Variants in HMGCLL1 observed in about 807,000 individuals in gnomAD.
The protein encoded by HMGCLL1 is 3-hydroxy-3-methylglutaryl-CoA lyase like 1.
A neutral mutation model predicts 39.1 loss-of-function variants in HMGCLL1; 36 were observed. That is an observed-to-expected ratio of 0.92 (90% CI 0.71 to 1.22). HMGCLL1 has a LOEUF of 1.22. HMGCLL1 is among the 50% of genes most tolerant of loss of function. HMGCLL1 has a pLI of 0.00. For synonymous variants in HMGCLL1, 149 were observed against 144.0 expected, an observed-to-expected ratio of 1.03 and a Z score of -0.25; for missense variants, 451 against 416.5, an observed-to-expected ratio of 1.08 and a Z score of -0.72.
intron 3 of HMGCLL1, among the ~76,000 whole-genome samples, chr6:55,521,966 G>T (rs1468798080): frequency 1.3e-5 from 2 of 152,006 alleles, no homozygotes; most frequent in African/African-American, 4.8e-5. Flanking sequence ...GGAATTAAAA[G>T]TGCTACTCTG....
chr6:55,489,391 T>G (rs2127419234), intron 7 of HMGCLL1, among the ~76,000 whole-genome samples: 1 of 151,882 alleles, frequency 6.6e-6, no homozygotes, highest in South Asian at 2.1e-4. Flanking sequence ...GTTTTGAAAT[T>G]TCCATCTCTT....
intron 5 of HMGCLL1, among the ~76,000 whole-genome samples, chr6:55,503,480 CTT>C (rs70986722): frequency 7.2e-4 from 109 of 151,046 alleles, no homozygotes; most frequent in Middle Eastern, 6.9e-3. Context: ...AAACCTGAGA[CTT>C]TTTTTTTCTC....
the HMGCLL1 span, among the ~76,000 whole-genome samples, chr6:55,586,595 C>A: frequency 6.8e-6 from 1 of 146,272 alleles, no homozygotes; most frequent in Non-Finnish European, 1.5e-5. Context: ...CTTCCTGTGT[C>A]CATGTGTTCT....
intron 7 of HMGCLL1, among the ~76,000 whole-genome samples, chr6:55,446,278 T>C (rs1763831939): frequency 6.8e-6 from 1 of 148,046 alleles, no homozygotes; most frequent in African/African-American, 2.4e-5. Context: ...ATTTATAACA[T>C]ATTTATTTAA....
intron 7 of HMGCLL1, among the ~76,000 whole-genome samples, chr6:55,494,302 T>TTTC (rs1474698591): frequency 6.6e-6 from 1 of 150,434 alleles, no homozygotes; most frequent in African/African-American, 2.5e-5. Context: ...AGAAGATATA[T>TTTC]TCATACAGAG....
intron 1 of HMGCLL1, among the ~76,000 whole-genome samples, chr6:55,569,815 T>C (rs1771387095): frequency 6.6e-6 from 1 of 152,210 alleles, no homozygotes; most frequent in African/African-American, 2.4e-5. Flanking sequence ...CACTTGCTAA[T>C]GGCACAGAGA....
At chr6:55,665,486 G>C in the HMGCLL1 span, among the ~76,000 whole-genome samples, 2 of 151,612 alleles carry the variant, frequency 1.3e-5, no homozygotes, top group Non-Finnish European at 3.0e-5. Flanking sequence ...GTTGATTGAG[G>C]AATATAAGAC....
the HMGCLL1 span, among the ~76,000 whole-genome samples, chr6:55,597,273 T>C: frequency 6.6e-6 from 1 of 152,114 alleles, no homozygotes. Context: ...GATTCATATA[T>C]ACTTTTAAAA....
the HMGCLL1 span, among the ~76,000 whole-genome samples, chr6:55,663,178 A>G: frequency 2.7e-5 from 4 of 147,288 alleles, no homozygotes; most frequent in African/African-American, 7.5e-5. Context: ...TTGTTTCTCA[A>G]TCTCCTTCAG....
the HMGCLL1 span, among the ~76,000 whole-genome samples, chr6:55,623,050 AG>A: frequency 2.6e-5 from 4 of 152,030 alleles, no homozygotes; most frequent in African/African-American, 4.8e-5. Context: ...ATTGGTATAT[AG>A]TTGCTCATAA....
intron 4 of HMGCLL1, among the ~76,000 whole-genome samples, chr6:55,514,774 C>A (rs886350179): frequency 1.3e-5 from 2 of 152,110 alleles, no homozygotes; most frequent in Non-Finnish European, 2.9e-5. Context: ...TCTTTAAATG[C>A]AAAATATTAA....
intron 7 of HMGCLL1, among the ~76,000 whole-genome samples, chr6:55,483,929 C>T (rs1026408016): frequency 2.6e-5 from 4 of 151,950 alleles, no homozygotes; most frequent in East Asian, 1.9e-4. Flanking sequence ...AATTTAAGCA[C>T]GTTATGTGTC....
At chr6:55,593,538 G>C in the HMGCLL1 span, among the ~76,000 whole-genome samples, 1 of 152,096 alleles carries the variant, frequency 6.6e-6, no homozygotes, top group African/African-American at 2.4e-5. Flanking sequence ...TAATTTATAA[G>C]GCTTTCATCT....
At chr6:55,541,182 C>T (rs1769413588) in intron 3 of HMGCLL1, among the ~76,000 whole-genome samples, 1 of 152,062 alleles carries the variant, frequency 6.6e-6, no homozygotes, top group African/African-American at 2.4e-5. Context: ...TGCCTGAAAA[C>T]CCTAGAGAAA....
chr6:55,615,745 A>G, the HMGCLL1 span, among the ~76,000 whole-genome samples: 1 of 152,124 alleles, frequency 6.6e-6, no homozygotes, highest in Non-Finnish European at 1.5e-5. Flanking sequence ...CATTTGTTTA[A>G]GGCTTTATCT....
At chr6:55,553,994 C>A (rs1770512566) in intron 1 of HMGCLL1, among the ~76,000 whole-genome samples, 1 of 152,044 alleles carries the variant, frequency 6.6e-6, no homozygotes, top group Admixed American at 6.6e-5. Context: ...ATCAACTCCA[C>A]CCATCCTGTT....
chr6:55,641,469 T>A, the HMGCLL1 span, among the ~76,000 whole-genome samples: 2 of 152,102 alleles, frequency 1.3e-5, no homozygotes, highest in Middle Eastern at 6.8e-3. Context: ...TATACGTGTG[T>A]GTGTGCCTGT....
the HMGCLL1 span, among the ~76,000 whole-genome samples, chr6:55,632,967 T>G: frequency 6.6e-6 from 1 of 152,136 alleles, no homozygotes; most frequent in African/African-American, 2.4e-5. Context: ...TTGACATCTC[T>G]GAGAGAACTG....
At chr6:55,470,829 A>C (rs1267806644) in intron 7 of HMGCLL1, among the ~76,000 whole-genome samples, 1 of 151,680 alleles carries the variant, frequency 6.6e-6, no homozygotes, top group African/African-American at 2.4e-5. Flanking sequence ...GGCAGGAGAG[A>C]GAGCATGAAG....
Sources: gnomAD v4.1 joint callset for allele counts (sites outside exome capture counted in the v4.1 genomes callset) on GRCh38, gnomAD v4.1.1 for gene constraint, MANE v1.5 for transcripts, NCBI Gene and HGNC (gene_info 2026-07-23, HGNC 2026-07-21) for gene names.